The following LONP2 variants were observed in gnomAD, a reference collection of about 807,000 sequenced individuals.
LONP2 encodes the protein lon peptidase 2, peroxisomal.
In LONP2, 60 loss-of-function variants were observed where a neutral mutation model predicts 85.6. That is an observed-to-expected ratio of 0.70 (90% CI 0.57 to 0.87). The LOEUF (loss-of-function observed/expected upper bound fraction) is 0.87, where lower values mean the gene tolerates loss of function less well. LONP2 is among the 40% of genes least tolerant of loss of function. The pLI, the probability that LONP2 is intolerant of heterozygous loss-of-function variation, is 0.00. For missense variants in LONP2, 860 were observed against 1,063.5 expected, an observed-to-expected ratio of 0.81 and a Z score of 2.66; for synonymous variants, 395 against 389.7, an observed-to-expected ratio of 1.01 and a Z score of -0.16.
rs148003396 is a variant in LONP2 at position 48,342,251 on chromosome 16, A to C, written c.1939-5256A>C. Among the ~76,000 whole-genome samples the C allele has an allele frequency of 8.4e-3, 1,285 of 152,324 alleles. 15 individuals carry two copies. Among genetic ancestry groups the C allele is most frequent in the African/African-American group, 0.029 (1,191 of 41,574 alleles). On this transcript the variant is annotated intron_variant, in intron 12 of 14. Coordinates refer to ENST00000285737, the MANE Select transcript of LONP2 (RefSeq NM_031490.5). ...ACTGCCCTGAGAAAATAATAAAGGA[A>C]GAAGAGGATAGACATGAAGACACTT...
In LONP2 at chr16:48,353,002, G is replaced by A. The variant is rs947043166; in HGVS notation, c.*1200G>A. On this transcript the variant is annotated 3_prime_UTR_variant, in exon 15 of 15. Coordinates refer to ENST00000285737, the MANE Select transcript of LONP2 (RefSeq NM_031490.5). Reference sequence around the variant, plus strand: ...TGAAGTCAGGCTCATCTGCTTACTGGCTGTGTGAACTTTTTGTATCTTGGT... The same window carrying A: ...TGAAGTCAGGCTCATCTGCTTACTGACTGTGTGAACTTTTTGTATCTTGGT... 4 of 152,160 alleles carry A rather than the reference G, an allele frequency of 2.6e-5. No individual in the cohort carries two copies. The highest frequency in any genetic ancestry group is 5.9e-5 in the Non-Finnish European group (4 of 68,040). 9.4% of individuals were successfully genotyped at this position (152,160 alleles called of 1,614,324 possible).
chr16:48,354,195 G>GTTT lies in LONP2; in HGVS notation c.*2393_*2394insTTT, dbSNP rs1194793998. 2.1e-5 allele frequency: 2 copies of GTTT among 93,532 alleles called. No individual in the cohort carries two copies. Among genetic ancestry groups the GTTT allele is most frequent in the Admixed American group, 1.2e-4 (1 of 8,122 alleles). 5.8% of individuals were successfully genotyped at this position (93,532 alleles called of 1,614,324 possible). On this transcript the variant is annotated 3_prime_UTR_variant, in exon 15 of 15. Transcript: ENST00000285737. ...GGATCTAAGCATGTCCACTCTACAC[G>GTTT]CTTTTTTTTTTTTTTTTTTTTTTTT...
chr16:48,315,015 A>T (rs544547563), intron 11 of LONP2, among the ~76,000 whole-genome samples: 91 of 152,242 alleles, frequency 6.0e-4, no homozygotes, highest in Admixed American at 1.4e-3. Context: ...GTTGTCTAGG[A>T]CCTCCTGGGA....
rs1567358111 is a variant in LONP2, at chr16:48,353,700, C to CT, written c.*1899dup. On this transcript the variant is annotated 3_prime_UTR_variant, in exon 15 of 15. Coordinates refer to ENST00000285737, the MANE Select transcript of LONP2 (RefSeq NM_031490.5). ...GTAATTTTATCATTTCCAACGTCAT[C>CT]TAACTGGGGACTAGAACAAACTGTG... 6.6e-6 allele frequency: 1 copy of CT among 152,178 alleles called. No homozygotes were observed. The highest frequency in any genetic ancestry group is 2.1e-4 in the South Asian group (1 of 4,818). 9.4% of individuals were successfully genotyped at this position (152,178 alleles called of 1,614,324 possible).
At chr16:48,280,029 A>G (rs1972293458) in intron 8 of LONP2, among the ~76,000 whole-genome samples, 1 of 152,180 alleles carries the variant, frequency 6.6e-6, no homozygotes, top group Non-Finnish European at 1.5e-5. Flanking sequence ...GGACGATAAA[A>G]AAGTACAGTT....
intron 11 of LONP2, among the ~76,000 whole-genome samples, chr16:48,304,988 T>G (rs1972883003): frequency 6.6e-6 from 1 of 152,218 alleles, no homozygotes; most frequent in African/African-American, 2.4e-5. Context: ...TTCTTGTTTT[T>G]CCATCAGTCG....
At chr16:48,346,221 G>C in intron 12 of LONP2, among the ~76,000 whole-genome samples, 1 of 152,120 alleles carries the variant, frequency 6.6e-6, no homozygotes, top group South Asian at 2.1e-4. Context: ...TTAGTGAGAC[G>C]GTCAACTCTC....
Position 48,320,528 on chromosome 16 carries a change from TA to T in LONP2, c.1796-13676del, listed in dbSNP as rs113350665. Reference sequence around the variant, plus strand: ...GATTTTACAAATAAGCCAAGATTATTAAAAAAAAAAAATAGATCTAGAGAGT... The same window carrying T: ...GATTTTACAAATAAGCCAAGATTATTAAAAAAAAAAATAGATCTAGAGAGT... On this transcript the variant is annotated intron_variant, in intron 11 of 14. Transcript: ENST00000285737. Among the ~76,000 whole-genome samples the T allele has an allele frequency of 8.4e-3, 1,217 of 145,424 alleles. 17 individuals carry two copies. The highest frequency in any genetic ancestry group is 0.026 in the African/African-American group (1,039 of 39,954).
At chr16:48,277,571 A>G (rs1972238524) in intron 8 of LONP2, 92 bp downstream of exon 8, 5 of 1,239,800 alleles carry the variant, frequency 4.0e-6, no homozygotes, top group Admixed American at 2.6e-5. Flanking sequence ...ACAGTGGTGT[A>G]GCTTTAGTTA....
chr16:48,334,640 C>A (rs2151024946), intron 12 of LONP2: 1 of 617,262 alleles, frequency 1.6e-6, no homozygotes, highest in African/African-American at 1.8e-5. Context: ...ACCTCACAGG[C>A]ACAGCATCAG....
intron 1 of LONP2, among the ~76,000 whole-genome samples, chr16:48,246,307 T>C (rs1971382898): frequency 6.6e-6 from 1 of 152,200 alleles, no homozygotes; most frequent in Non-Finnish European, 1.5e-5. Flanking sequence ...TTTGATAAAT[T>C]GTATTGGATT....
chr16:48,332,924 T>TAGAC (rs34729457), intron 11 of LONP2, among the ~76,000 whole-genome samples: 31,271 of 151,696 alleles, frequency 0.21, 3,959 homozygotes, highest in African/African-American at 0.35. Context: ...TATAGATAGA[T>TAGAC]AGACAATGTT....
At chr16:48,351,210 C>T (rs1050690015) in intron 14 of LONP2, among the ~76,000 whole-genome samples, 4 of 152,162 alleles carry the variant, frequency 2.6e-5, no homozygotes, top group Non-Finnish European at 5.9e-5. Context: ...GCAGGAGCGG[C>T]GCTCATGGTC....
chr16:48,337,375 G>A (rs978681354), intron 12 of LONP2, among the ~76,000 whole-genome samples: 6 of 152,164 alleles, frequency 3.9e-5, no homozygotes, highest in African/African-American at 1.2e-4. Context: ...GGCTCAACTT[G>A]TTGACCACTC....
intron 7 of LONP2, among the ~76,000 whole-genome samples, chr16:48,273,572 A>G (rs944970521): frequency 2.0e-5 from 3 of 152,068 alleles, no homozygotes; most frequent in African/African-American, 7.2e-5. Context: ...CTCCATTGTG[A>G]TTTTTCTGTC....
At chr16:48,316,455 T>C (rs1262130740) in intron 11 of LONP2, among the ~76,000 whole-genome samples, 1 of 149,176 alleles carries the variant, frequency 6.7e-6, no homozygotes, top group African/African-American at 2.5e-5. Context: ...GCCTCCCGAG[T>C]AGCTGGGATT....
In LONP2 at chr16:48,356,430, T is replaced by C. The variant is rs936484397; in HGVS notation, c.*4628T>C. 1.3e-5 allele frequency: 2 copies of C among 152,534 alleles called. No individual in the cohort carries two copies. The highest frequency in any genetic ancestry group is 2.9e-5 in the Non-Finnish European group (2 of 68,354). 9.4% of individuals were successfully genotyped at this position (152,534 alleles called of 1,614,324 possible). A position where few individuals can be genotyped will look rare whatever the true frequency, so the allele number is the denominator to read the frequency against. On this transcript the variant is annotated 3_prime_UTR_variant, in exon 15 of 15. Coordinates refer to ENST00000285737, the MANE Select transcript of LONP2 (RefSeq NM_031490.5). ...GATGTAAACATCAAGTAGTTTTGGT[T>C]GTTTCAATGAAGTAACATGTTTAAG...
chr16:48,339,657 A>C (rs981247224), intron 12 of LONP2, among the ~76,000 whole-genome samples: 2 of 152,182 alleles, frequency 1.3e-5, no homozygotes, highest in Admixed American at 1.3e-4. Flanking sequence ...AGTCTCCAGG[A>C]AAGTGAGAGG....
rs1286696340 is a variant in LONP2, at chr16:48,252,253, A to T, written c.356A>T (p.Tyr119Phe). Residue 119 changes from tyrosine (Y) to phenylalanine (F), a missense_variant, in exon 2 of 15, where the codon TAT becomes TTT. By Grantham distance (22) the Tyr-to-Phe change is conservative. Around this residue, in one of 3 missense-constraint regions of LONP2, gnomAD observed 743 missense variants for 917.3 expected, o/e 0.81. Transcript: ENST00000285737. Reference sequence around the variant, plus strand: ...GTACAGGTCTTAAAAGAGAAGCCATATCCCATTGCTGAAGTGGAGCAGTTG... The same window carrying T: ...GTACAGGTCTTAAAAGAGAAGCCATTTCCCATTGCTGAAGTGGAGCAGTTG... ...QIVQVLKEKP[Y>F]PIAEVEQLDR... 1.2e-5 allele frequency: 19 copies of T among 1,614,086 alleles called. No homozygotes were observed. Among genetic ancestry groups the T allele is most frequent in the Non-Finnish European group, 1.6e-5 (19 of 1,180,012 alleles).
Sources: allele counts gnomAD v4.1 joint callset (sites outside exome capture counted in the v4.1 genomes callset), GRCh38; gene constraint gnomAD v4.1.1; regional missense constraint gnomAD v4.1.1; transcripts MANE v1.5; gene names NCBI Gene and HGNC (gene_info 2026-07-23, HGNC 2026-07-21).